The following LPP variants were observed in gnomAD, a reference collection of about 807,000 sequenced individuals.
LPP encodes the protein lipoma-preferred partner.
A neutral mutation model predicts 60.4 loss-of-function variants in LPP; 38 were observed. The observed-to-expected ratio is 0.63, with a 90% CI of 0.49 to 0.83. The LOEUF (loss-of-function observed/expected upper bound fraction) is 0.83. Ranked by LOEUF, LPP falls within the 40% of genes least tolerant of loss-of-function variation. The pLI is 0.00. For synonymous variants in LPP, 328 were observed against 290.8 expected (o/e 1.13, Z -1.30); for missense variants, 902 against 783.6 (o/e 1.15, Z -1.80).
At chr3:188,445,094 C>A (rs1794909357) in intron 4 of LPP, among the ~76,000 whole-genome samples, 1 of 152,168 alleles carries the variant, frequency 6.6e-6, no homozygotes, top group Non-Finnish European at 1.5e-5. Flanking sequence ...CCTCAAGGAT[C>A]TACAACCAGA....
chr3:188,804,013 C>T (rs1748145519), intron 9 of LPP, among the ~76,000 whole-genome samples: 1 of 151,226 alleles, frequency 6.6e-6, no homozygotes, highest in African/African-American at 2.4e-5. Flanking sequence ...GAATATTGTA[C>T]ATATTTCCTA....
intron 1 of LPP, among the ~76,000 whole-genome samples, chr3:188,198,063 A>G (rs1730036434): frequency 6.6e-6 from 1 of 152,208 alleles, no homozygotes; most frequent in Non-Finnish European, 1.5e-5. Context: ...AGGTTTACAC[A>G]CTTGGTGAAA....
intron 9 of LPP, among the ~76,000 whole-genome samples, chr3:188,776,141 A>G (rs1737693972): frequency 6.6e-6 from 1 of 152,204 alleles, no homozygotes; most frequent in South Asian, 2.1e-4. Flanking sequence ...AACAAATATA[A>G]CACAAGGCAA....
chr3:188,777,238 A>G (rs1337618862), intron 9 of LPP, among the ~76,000 whole-genome samples: 2 of 152,078 alleles, frequency 1.3e-5, no homozygotes, highest in Non-Finnish European at 2.9e-5. Context: ...TAACCCATAT[A>G]GCCAAGAAAC....
At chr3:188,622,648 G>A (rs1050573091) in intron 7 of LPP, among the ~76,000 whole-genome samples, 5 of 151,930 alleles carry the variant, frequency 3.3e-5, no homozygotes, top group East Asian at 3.9e-4. Flanking sequence ...AACTCAGCTC[G>A]TCCTCAAAAT....
Position 188,874,463 on chromosome 3 carries a change from C to T in LPP, c.1823C>T (p.Ala608Val), listed in dbSNP as rs1282112075. Residue 608 changes from alanine (A) to valine (V), a missense_variant, in exon 12 of 12, where the codon GCG (alanine) becomes GTG (valine). Physicochemically the swap from Ala to Val is moderately conservative, Grantham distance 64 (BLOSUM62 0). Coordinates refer to ENST00000617246, the MANE Select transcript of LPP (RefSeq NM_001375462.1). ...CGCATCAGGGTGTTGACCGCCAAGG[C>T]GAGCACTGACCTTTAGATTCAGTCA... ...SARIRVLTAK[A>V]STDL 6 of 1,613,994 alleles carry T rather than the reference C, an allele frequency of 3.7e-6. No homozygotes were observed. Among genetic ancestry groups the T allele is most frequent in the South Asian group, 1.1e-5 (1 of 91,086 alleles).
At chr3:188,516,895 G>A (rs1817532920) in intron 5 of LPP, among the ~76,000 whole-genome samples, 1 of 152,004 alleles carries the variant, frequency 6.6e-6, no homozygotes, top group Non-Finnish European at 1.5e-5. Context: ...CACTGATCTA[G>A]GATTGTGTTC....
At chr3:188,448,450 ATATT>A (rs1560418497) in intron 4 of LPP, among the ~76,000 whole-genome samples, 2 of 151,950 alleles carry the variant, frequency 1.3e-5, no homozygotes, top group East Asian at 1.9e-4. Flanking sequence ...TTAGATATCT[ATATT>A]TAGATAAAGA....
chr3:188,599,783 TGTGTGTG>T (rs71634078), intron 6 of LPP, among the ~76,000 whole-genome samples: 2 of 151,206 alleles, frequency 1.3e-5, no homozygotes, highest in African/African-American at 4.9e-5. Flanking sequence ...TGTGTGTGTG[TGTGTGTG>T]GTGTGTGCTT....
chr3:188,639,551 A>C (rs914432022), intron 7 of LPP, among the ~76,000 whole-genome samples: 9 of 151,058 alleles, frequency 6.0e-5, no homozygotes, highest in East Asian at 1.9e-4. Flanking sequence ...CTGCACAGCA[A>C]AAGAAACTAC....
Position 188,886,002 on chromosome 3 carries a change from G to T in LPP, c.*11523G>T, listed in dbSNP as rs1368451914. On this transcript the variant is annotated 3_prime_UTR_variant, in exon 12 of 12. Coordinates refer to ENST00000617246, the MANE Select transcript of LPP (RefSeq NM_001375462.1). ...AATGATGAGTTCATGTCCTTTGTAG[G>T]GACATGGATGAAATTGGAAATCATC... 2.6e-5 allele frequency: 4 copies of T among 151,992 alleles called. No homozygotes were observed. Among genetic ancestry groups the T allele is most frequent in the Non-Finnish European group, 5.9e-5 (4 of 67,998 alleles). 9.4% of individuals were successfully genotyped at this position (151,992 alleles called of 1,614,324 possible). A position where few individuals can be genotyped will look rare whatever the true frequency, so the allele number is the denominator to read the frequency against.
At position 188,164,033 on chromosome 3, in the gene LPP, G is replaced by A. The variant is rs142626290; in HGVS notation, c.-190+9781G>A. 6.6e-3 allele frequency among the ~76,000 whole-genome samples: 1,005 copies of A among 151,960 alleles called. 13 individuals carry two copies. Among genetic ancestry groups the A allele is most frequent in the African/African-American group, 0.023 (968 of 41,432 alleles). ...TTTGTTTGAAGGGTATGTCAAGATC[G>A]TAAGCACTTACTATTTATGAGGGTT... On this transcript the variant is annotated intron_variant, in intron 1 of 11. Coordinates refer to ENST00000617246, the MANE Select transcript of LPP (RefSeq NM_001375462.1).
At chr3:188,810,899 A>G (rs1208686795) in intron 9 of LPP, among the ~76,000 whole-genome samples, 1 of 152,120 alleles carries the variant, frequency 6.6e-6, no homozygotes, top group Non-Finnish European at 1.5e-5. Context: ...GAAAAATACC[A>G]TAATTTTTTT....
At chr3:188,378,242 G>T (rs1289023184) in intron 3 of LPP, among the ~76,000 whole-genome samples, 1 of 152,222 alleles carries the variant, frequency 6.6e-6, no homozygotes, top group Non-Finnish European at 1.5e-5. Context: ...CTGTCAGAGA[G>T]GGACATGTAA....
intron 3 of LPP, among the ~76,000 whole-genome samples, chr3:188,365,422 T>G (rs1234437880): frequency 6.6e-6 from 1 of 152,246 alleles, no homozygotes; most frequent in Non-Finnish European, 1.5e-5. Context: ...GTCAAGCTGA[T>G]TTTAAGTTTA....
At chr3:188,325,785 T>A (rs1000169426) in intron 2 of LPP, among the ~76,000 whole-genome samples, 5 of 152,184 alleles carry the variant, frequency 3.3e-5, no homozygotes, top group Non-Finnish European at 5.9e-5. Flanking sequence ...TTTTAGGATA[T>A]CAGCTTCTTG....
At chr3:188,405,070 A>G (rs1783126325) in intron 3 of LPP, among the ~76,000 whole-genome samples, 1 of 152,232 alleles carries the variant, frequency 6.6e-6, no homozygotes, top group Non-Finnish European at 1.5e-5. Flanking sequence ...TGAAGGTCCA[A>G]CATGGTATCA....
intron 2 of LPP, among the ~76,000 whole-genome samples, chr3:188,226,887 A>G (rs73057640): frequency 0.017 from 2,623 of 152,320 alleles, 69 homozygotes; most frequent in African/African-American, 0.057. Context: ...CTATTGATCT[A>G]TATTACATAA....
At chr3:188,481,988 G>A (rs916889540) in intron 4 of LPP, among the ~76,000 whole-genome samples, 6 of 152,152 alleles carry the variant, frequency 3.9e-5, no homozygotes, top group Non-Finnish European at 8.8e-5. Flanking sequence ...TCAAGGGAGG[G>A]ATCTGGTGGG....
Sources: gnomAD v4.1 joint callset for allele counts (sites outside exome capture counted in the v4.1 genomes callset) on GRCh38, gnomAD v4.1.1 for gene constraint, MANE v1.5 for transcripts, NCBI Gene and HGNC (gene_info 2026-07-23, HGNC 2026-07-21) for gene names.